The following AKT1 variants were observed in gnomAD, a reference collection of about 807,000 sequenced individuals.
The protein encoded by AKT1 is AKT serine/threonine kinase 1, also known as RAC-alpha serine/threonine-protein kinase.
AKT1 carries 21 observed loss-of-function variants against 63.1 expected under a neutral mutation model. The ratio of observed to expected loss-of-function variants is 0.33; its 90% CI spans 0.24 to 0.48. The LOEUF is 0.48. Ranked by LOEUF, AKT1 falls within the 20% of genes least tolerant of loss-of-function variation. AKT1 has a pLI of 0.99. For missense variants in AKT1, 382 were observed against 666.0 expected (o/e 0.57, Z 4.69); for synonymous variants, 257 against 253.1 (o/e 1.02, Z -0.15).
At chr14:104,784,156 T>C (rs886805642) in intron 3 of AKT1, among the ~76,000 whole-genome samples, 2 of 152,170 alleles carry the variant, frequency 1.3e-5, no homozygotes, top group African/African-American at 4.8e-5. Context: ...GCAGCTCCGG[T>C]CCCACCCTTC....
At chr14:104,771,050 ACC>A (rs1317804262) in intron 13 of AKT1, 8 of 577,764 alleles carry the variant, frequency 1.4e-5, no homozygotes, top group Non-Finnish European at 2.5e-5. Flanking sequence ...CACGGAGACA[ACC>A]CTCAACAGCT....
rs185586072 is a variant in AKT1 at position 104,775,419 on chromosome 14, G to A, written c.436-212C>T. The A allele has an allele frequency of 3.4e-3, 3,741 of 1,116,092 alleles. 225 individuals are homozygous for A. The Admixed American group carries it at 0.097, about 29-fold the overall frequency. The allele number at this position is 1,116,092 out of a possible 1,614,324, so 69.1% of individuals were successfully genotyped here. On this transcript the variant is annotated intron_variant, in intron 6 of 14. Coordinates refer to ENST00000649815, the MANE Select transcript of AKT1 (RefSeq NM_001382430.1). ...AGCTCAGAGCATGGGGTTCAGGGAA[G>A]GGTGGGGTAACATTGCCCAAGCCTG...
chr14:104,786,671 C>T (rs77766289), intron 3 of AKT1, among the ~76,000 whole-genome samples: 2 of 152,212 alleles, frequency 1.3e-5, no homozygotes, highest in African/African-American at 4.8e-5. Flanking sequence ...GTTTCTGCCC[C>T]AACTTGGAGC....
intron 3 of AKT1, among the ~76,000 whole-genome samples, chr14:104,784,497 C>T (rs894660753): frequency 1.8e-4 from 27 of 152,182 alleles, no homozygotes; most frequent in African/African-American, 5.6e-4. Context: ...CCCGATGTCC[C>T]GGGTGGCCCT....
chr14:104,774,741 C>T (rs1206227816), intron 8 of AKT1, 197 bp downstream of exon 8: 1 of 624,132 alleles, frequency 1.6e-6, no homozygotes, highest in Non-Finnish European at 2.7e-6. Context: ...CACACGGGAG[C>T]AGCGAGCACA....
At chr14:104,777,338 T>TGGGGCACAGCCACACCTGGGGCACACGC (rs1892782750) in intron 4 of AKT1, 2 of 134,680 alleles carry the variant, frequency 1.5e-5, no homozygotes, top group African/African-American at 9.5e-5. Context: ...GGGGCACACA[T>TGGGGCACAGCCACACCTGGGGCACACGC]ACATCTGGGG....
intron 3 of AKT1, among the ~76,000 whole-genome samples, chr14:104,787,570 T>C (rs1893398655): frequency 6.6e-6 from 1 of 152,200 alleles, no homozygotes; most frequent in Non-Finnish European, 1.5e-5. Flanking sequence ...GCCAGTTCCC[T>C]CCGCTCAGCC....
rs1320406584 is a variant in AKT1, at chr14:104,776,085, C to CCCCAAGCAGGACTCCGCCT, written c.288-305_288-287dup. The CCCCAAGCAGGACTCCGCCT allele has an allele frequency of 7.2e-4, 248 of 342,168 alleles. 3 individuals are homozygous for CCCCAAGCAGGACTCCGCCT. Among genetic ancestry groups the CCCCAAGCAGGACTCCGCCT allele is most frequent in the African/African-American group, 6.6e-3 (226 of 34,186 alleles). The allele number at this position is 342,168 out of a possible 1,614,324, so 21.2% of individuals were successfully genotyped here. A position where few individuals can be genotyped will look rare whatever the true frequency, so the allele number is the denominator to read the frequency against. On this transcript the variant is annotated intron_variant, in intron 5 of 14. Coordinates refer to ENST00000649815, the MANE Select transcript of AKT1 (RefSeq NM_001382430.1). ...CCGCCCCCCAGCAGGACTCCGCCCC[C>CCCCAAGCAGGACTCCGCCT]CCCAAGCAGGACTCCGCCTCCCAAG...
rs1246892055 is a variant in AKT1, at chr14:104,785,769, C to A, written c.47-5553G>T. On this transcript the variant is annotated intron_variant, in intron 3 of 14. Coordinates refer to ENST00000649815, the MANE Select transcript of AKT1 (RefSeq NM_001382430.1). ...CACCATGGAGCAGGCCTCAGCCCGA[C>A]ACACACACCCCGGGAGGAACATGGT... is the stretch of plus-strand genomic sequence containing the variant. Among the ~76,000 whole-genome samples the A allele has an allele frequency of 2.0e-5, 3 of 152,146 alleles. No individual in the cohort carries two copies. The East Asian group carries it at 5.8e-4, about 29-fold the overall frequency.
In AKT1 at chr14:104,780,185, G is replaced by A. The variant is rs769253794; in HGVS notation, c.78C>T (p.Tyr26=). Residue 26 remains tyrosine (Y), a synonymous_variant, in exon 4 of 15, where the codon TAC becomes TAT. Transcript: ENST00000649815. The part of the protein sequence containing the change: ...GEYIKTWRPR[Y]FLLKNDGTFI... ...AGGTGCCATCATTCTTGAGGAGGAAGTAGCGTGGCCGCCAGGTCTTGATGT... is the reference window on the plus strand; with the variant it reads ...AGGTGCCATCATTCTTGAGGAGGAAATAGCGTGGCCGCCAGGTCTTGATGT... 2 of 1,613,550 alleles carry A rather than the reference G, an allele frequency of 1.2e-6. No homozygotes were observed. The highest frequency in any genetic ancestry group is 1.7e-5 in the Admixed American group (1 of 60,014).
chr14:104,777,420 A>T (rs1439074923), intron 4 of AKT1: 1 of 552,094 alleles, frequency 1.8e-6, no homozygotes, highest in Non-Finnish European at 2.4e-6. Flanking sequence ...GGGCACACGC[A>T]CACCTGGGAC....
intron 3 of AKT1, 147 bp downstream of exon 3, chr14:104,792,451 G>A: frequency 1.1e-6 from 1 of 883,642 alleles, no homozygotes; most frequent in South Asian, 1.4e-5. Flanking sequence ...GGGAAGACAT[G>A]GGGCCCAGGA....
In AKT1 at chr14:104,771,960, G is replaced by C. The variant is rs1187742059; in HGVS notation, c.1260+405C>G. 8.9e-6 allele frequency: 3 copies of C among 337,482 alleles called. No homozygotes were observed. The East Asian group carries it at 1.4e-4, about 16-fold the overall frequency. The allele number at this position is 337,482 out of a possible 1,614,324, so 20.9% of individuals were successfully genotyped here. A position where few individuals can be genotyped will look rare whatever the true frequency, so the allele number is the denominator to read the frequency against. Reference sequence around the variant, plus strand: ...GGGCTGGGCTCTCCTTGCGGCAGAAGGGATTGAGGTCAAACAGGAGGAACT... The same window carrying C: ...GGGCTGGGCTCTCCTTGCGGCAGAACGGATTGAGGTCAAACAGGAGGAACT... On this transcript the variant is annotated intron_variant, in intron 13 of 14. Coordinates refer to ENST00000649815, the MANE Select transcript of AKT1 (RefSeq NM_001382430.1).
intron 3 of AKT1, among the ~76,000 whole-genome samples, chr14:104,792,131 A>G (rs1271265206): frequency 1.3e-5 from 2 of 152,184 alleles, no homozygotes; most frequent in East Asian, 3.9e-4. Context: ...CTGCAGCTCC[A>G]AGGCAAACAT....
At chr14:104,783,512 AC>A (rs907233996) in intron 3 of AKT1, among the ~76,000 whole-genome samples, 2 of 40,202 alleles carry the variant, frequency 5.0e-5, no homozygotes, top group African/African-American at 9.3e-5. Flanking sequence ...CACCCCAGTC[AC>A]CCCCCCAACA....
Position 104,773,463 on chromosome 14 carries a change from C to T in AKT1, c.820G>A (p.Asp274Asn). The T allele has an allele frequency of 6.2e-7, 1 of 1,613,968 alleles. No homozygotes were observed. Among genetic ancestry groups the T allele is most frequent in the Non-Finnish European group, 8.5e-7 (1 of 1,179,900 alleles). The change falls in exon 10 of 15, where the codon GAC (aspartate) becomes AAC (asparagine). Residue 274 changes from aspartate to asparagine, a missense_variant. By Grantham distance (23) the Asp-to-Asn change is conservative. Transcript: ENST00000649815. ...LHSEKNVVYR[D>N]LKLENLMLDK... ...CCTGCCCGCCAGCGCACCTTGAGGT[C>T]CCGGTACACCACGTTCTTCTCCGAG...
chr14:104,788,290 A>G (rs1403476238), intron 3 of AKT1, among the ~76,000 whole-genome samples: 1 of 152,074 alleles, frequency 6.6e-6, no homozygotes, highest in East Asian at 1.9e-4. Context: ...CTGGAGCCCA[A>G]AGGTTCCCAC....
chr14:104,788,343 G>C (rs1247045050), intron 3 of AKT1, among the ~76,000 whole-genome samples: 1 of 152,202 alleles, frequency 6.6e-6, no homozygotes, highest in African/African-American at 2.4e-5. Context: ...TCAGGGTCCT[G>C]CTGGGCCCCT....
rs1376253212 is a variant in AKT1, at chr14:104,769,654, G to C, written c.*687C>G. 2 of 483,670 alleles carry C rather than the reference G, an allele frequency of 4.1e-6. No homozygotes were observed. Among genetic ancestry groups the C allele is most frequent in the South Asian group, 3.4e-5 (2 of 59,482 alleles). 30.0% of individuals were successfully genotyped at this position (483,670 alleles called of 1,614,324 possible). A position where few individuals can be genotyped will look rare whatever the true frequency, so the allele number is the denominator to read the frequency against. ...GTGACACAGAAGGGGAAGGGGGAGG[G>C]CTTTCCTGTCACAAAGATTAAAAAC... On this transcript the variant is annotated 3_prime_UTR_variant, in exon 15 of 15. Coordinates refer to ENST00000649815, the MANE Select transcript of AKT1 (RefSeq NM_001382430.1).
Sources: gnomAD v4.1 joint callset for allele counts (sites outside exome capture counted in the v4.1 genomes callset) on GRCh38, gnomAD v4.1.1 for gene constraint, MANE v1.5 for transcripts, NCBI Gene and HGNC (gene_info 2026-07-23, HGNC 2026-07-21) for gene names.